CPNE5: variants seen among roughly 807,000 people sequenced by gnomAD.
CPNE5 encodes the protein copine 5, also known as copine-5.
CPNE5 carries 42 observed loss-of-function variants against 81.1 expected under a neutral mutation model. The observed-to-expected ratio is 0.52, with a 90% CI of 0.40 to 0.67. CPNE5 has a LOEUF of 0.67. CPNE5 is among the 30% of genes least tolerant of loss of function. The pLI, the probability that CPNE5 is intolerant of heterozygous loss-of-function variation, is 0.00. For synonymous variants in CPNE5, 313 were observed against 321.5 expected (o/e 0.97, Z 0.28); for missense variants, 612 against 815.5 (o/e 0.75, Z 3.04).
chr6:36,798,049 T>A (rs1769752426), intron 6 of CPNE5, 116 bp downstream of exon 6: 1 of 745,816 alleles, frequency 1.3e-6, no homozygotes, highest in Non-Finnish European at 2.3e-6. Flanking sequence ...TTATTCCTAA[T>A]AACCCTGCAG....
chr6:36,806,484 A>C (rs1770602390), intron 3 of CPNE5, among the ~76,000 whole-genome samples: 1 of 152,116 alleles, frequency 6.6e-6, no homozygotes, highest in African/African-American at 2.4e-5. Flanking sequence ...GCCTTCTCCC[A>C]TCGCCACGGC....
At chr6:36,782,446 G>A (rs1768111542) in intron 8 of CPNE5, among the ~76,000 whole-genome samples, 1 of 152,152 alleles carries the variant, frequency 6.6e-6, no homozygotes, top group Non-Finnish European at 1.5e-5. Context: ...CAGGCCATAA[G>A]TTCCAGGGAC....
At chr6:36,773,252 G>T (rs1767203123) in intron 10 of CPNE5, among the ~76,000 whole-genome samples, 1 of 152,082 alleles carries the variant, frequency 6.6e-6, no homozygotes, top group Admixed American at 6.5e-5. Flanking sequence ...TGTCCAGAGA[G>T]CCCTGCCCAT....
intron 8 of CPNE5, among the ~76,000 whole-genome samples, chr6:36,790,891 GTTATTTTTAAAGGAATTAAA>G (rs1202255513): frequency 2.0e-5 from 3 of 152,096 alleles, no homozygotes; most frequent in Admixed American, 6.5e-5. Context: ...TTCAACTATT[GTTATTTTTAAAGGAATTAAA>G]TTATTTTTAA....
At chr6:36,765,686 C>T (rs1766499202) in intron 10 of CPNE5, among the ~76,000 whole-genome samples, 1 of 152,238 alleles carries the variant, frequency 6.6e-6, no homozygotes, top group African/African-American at 2.4e-5. Context: ...GGCATAAGCT[C>T]AGCATGGAGC....
intron 12 of CPNE5, among the ~76,000 whole-genome samples, chr6:36,761,291 C>T (rs16889083): frequency 0.08 from 12,234 of 152,246 alleles, 762 homozygotes; most frequent in East Asian, 0.17. Context: ...TATTAGAGCC[C>T]TTTCAAATAA....
intron 3 of CPNE5, among the ~76,000 whole-genome samples, chr6:36,811,996 C>T (rs113379246): frequency 0.017 from 2,649 of 151,942 alleles, 89 homozygotes; most frequent in African/African-American, 0.061. Flanking sequence ...CCTAGTTACT[C>T]GGGAGGCTGA....
chr6:36,745,344 CAG>C (rs1322669619), intron 17 of CPNE5, 42 bp downstream of exon 17: 10 of 1,582,254 alleles, frequency 6.3e-6, no homozygotes, highest in Non-Finnish European at 8.6e-6. Context: ...GGTGTGGAAA[CAG>C]AGGCCTTGTG....
chr6:36,825,415 C>A (rs1156934516), intron 1 of CPNE5, among the ~76,000 whole-genome samples: 1 of 152,128 alleles, frequency 6.6e-6, no homozygotes, highest in Admixed American at 6.5e-5. Flanking sequence ...CTCACCCCTC[C>A]CCAACTCCAG....
intron 1 of CPNE5, chr6:36,827,340 CG>C (rs909548788): frequency 9.1e-6 from 9 of 985,252 alleles, no homozygotes; most frequent in Middle Eastern, 5.2e-4. Context: ...TGGCTTTGGA[CG>C]GGTGGCTTCA....
At chr6:36,765,794 CT>C (rs1356457064) in intron 10 of CPNE5, among the ~76,000 whole-genome samples, 21 of 151,828 alleles carry the variant, frequency 1.4e-4, no homozygotes, top group African/African-American at 4.8e-4. Context: ...GGGAAGAAGA[CT>C]GCTTGTTGAG....
At chr6:36,752,066 A>C (rs1764900063) in intron 14 of CPNE5, among the ~76,000 whole-genome samples, 1 of 152,018 alleles carries the variant, frequency 6.6e-6, no homozygotes, top group African/African-American at 2.4e-5. Flanking sequence ...TGAGACTGCA[A>C]GCTCAAGGCA....
At chr6:36,835,125 C>A (rs968125569) in intron 1 of CPNE5, among the ~76,000 whole-genome samples, 2 of 152,262 alleles carry the variant, frequency 1.3e-5, no homozygotes, top group Non-Finnish European at 2.9e-5. Context: ...CGCCCCGCCG[C>A]GTCTTCCCTG....
intron 1 of CPNE5, among the ~76,000 whole-genome samples, chr6:36,837,226 A>G (rs893537966): frequency 1.3e-4 from 20 of 152,244 alleles, no homozygotes; most frequent in African/African-American, 4.1e-4. Flanking sequence ...TTCCTCCAAC[A>G]GTATTTGGCA....
At chr6:36,744,590 C>T (rs1763919603) in intron 18 of CPNE5, 2 of 543,152 alleles carry the variant, frequency 3.7e-6, no homozygotes, top group Admixed American at 3.2e-5. Context: ...GAGTCACCCC[C>T]ATCCCCTCTT....
chr6:36,780,777 G>A (rs1005369808), intron 8 of CPNE5, among the ~76,000 whole-genome samples: 3 of 152,120 alleles, frequency 2.0e-5, no homozygotes, highest in Admixed American at 2.0e-4. Flanking sequence ...TTTATTAGAT[G>A]CCGTCTGTGT....
chr6:36,792,271 T>C (rs1468900367), intron 7 of CPNE5, 175 bp from the exon 8 acceptor site: 1 of 1,374,412 alleles, frequency 7.3e-7, no homozygotes. Context: ...TGTGGCCTAG[T>C]GCACTGCTTC....
rs182615245 is a variant in CPNE5 at position 36,755,469 on chromosome 6, T to C, written c.909+776A>G. The C allele has an allele frequency of 4.6e-5, 7 of 152,072 alleles. No homozygotes were observed. The East Asian group carries it at 5.8e-4, about 13-fold the overall frequency. 9.4% of individuals were successfully genotyped at this position (152,072 alleles called of 1,614,324 possible). On this transcript the variant is annotated intron_variant, in intron 13 of 20. Transcript: ENST00000244751. ...CCATTGCCTGTCCCTTTACCCTTTA[T>C]ACTTTTTCCATAGCTCTCATAATCA...
intron 3 of CPNE5, among the ~76,000 whole-genome samples, chr6:36,804,155 C>G (rs1318886593): frequency 6.6e-6 from 1 of 152,148 alleles, no homozygotes; most frequent in Non-Finnish European, 1.5e-5. Flanking sequence ...GAGCTGGGAC[C>G]TAAACCCAGG....
Sources: gnomAD v4.1 joint callset for allele counts (sites outside exome capture counted in the v4.1 genomes callset) on GRCh38, gnomAD v4.1.1 for gene constraint, MANE v1.5 for transcripts, NCBI Gene and HGNC (gene_info 2026-07-23, HGNC 2026-07-21) for gene names.